Variants in SHOC2 observed in about 807,000 individuals in gnomAD.
The protein encoded by SHOC2 is leucine-rich repeat protein SHOC-2.
Under a neutral mutation model 50.2 loss-of-function variants are expected in SHOC2, and 4 were observed. The ratio of observed to expected loss-of-function variants is 0.08; its 90% CI spans 0.04 to 0.18. The LOEUF (loss-of-function observed/expected upper bound fraction) is 0.18, where lower values mean the gene tolerates loss of function less well. Among genes scored for constraint, SHOC2 ranks in the 10% least tolerant of loss-of-function variants. The pLI, the probability that SHOC2 is intolerant of heterozygous loss-of-function variation, is 1.00. For missense variants in SHOC2, 388 were observed against 669.6 expected (o/e 0.58, Z 4.64); for synonymous variants, 218 against 244.5 (o/e 0.89, Z 1.01).
intron 2 of SHOC2, among the ~76,000 whole-genome samples, chr10:110,978,512 C>G (rs1446892391): frequency 6.6e-6 from 1 of 152,150 alleles, no homozygotes; most frequent in African/African-American, 2.4e-5. Flanking sequence ...TCTTTACTCT[C>G]CTATGTTATA....
chr10:110,919,992 G>T (rs1374182911), intron 1 of SHOC2: 2 of 148,110 alleles, frequency 1.4e-5, no homozygotes, highest in South Asian at 1.8e-4. Context: ...GACAGCGCCT[G>T]GGCGACGGCG....
intron 2 of SHOC2, among the ~76,000 whole-genome samples, chr10:110,975,747 CT>C (rs1331992612): frequency 6.6e-6 from 1 of 152,044 alleles, no homozygotes; most frequent in East Asian, 1.9e-4. Context: ...TTGGTTAATG[CT>C]TCTCCACAGC....
At chr10:110,950,308 A>G (rs1276450827) in intron 1 of SHOC2, among the ~76,000 whole-genome samples, 1 of 144,706 alleles carries the variant, frequency 6.9e-6, no homozygotes, top group Non-Finnish European at 1.5e-5. Flanking sequence ...ATAAAAAGGA[A>G]TAAATTTAAC....
At chr10:110,987,520 A>G (rs1013997630) in intron 3 of SHOC2, among the ~76,000 whole-genome samples, 1 of 152,180 alleles carries the variant, frequency 6.6e-6, no homozygotes, top group African/African-American at 2.4e-5. Flanking sequence ...TATGGTTTAG[A>G]TGTCCCTCTG....
intron 1 of SHOC2, among the ~76,000 whole-genome samples, chr10:110,950,427 T>C (rs972829742): frequency 6.6e-6 from 1 of 152,156 alleles, no homozygotes. Flanking sequence ...GAATTAATAT[T>C]ATTAAAATGT....
rs950305680 is a variant in SHOC2 at position 110,993,510 on chromosome 10, G to A, written c.842-6905G>A. Among the ~76,000 whole-genome samples the A allele has an allele frequency of 3.9e-5, 6 of 152,196 alleles. No homozygotes were observed. In the South Asian group the frequency reaches 1.2e-3, roughly 32 times the overall value. On this transcript the variant is annotated intron_variant, in intron 3 of 8. Coordinates refer to ENST00000369452, the MANE Select transcript of SHOC2 (RefSeq NM_007373.4). ...TTGCAAATGTGAGATTTCTTCATCA[G>A]AACAGCCTATTCTCATAGATTACAT...
intron 1 of SHOC2, among the ~76,000 whole-genome samples, chr10:110,942,224 C>A (rs899041668): frequency 1.3e-5 from 2 of 152,260 alleles, no homozygotes; most frequent in East Asian, 3.9e-4. Flanking sequence ...CCACTGATTT[C>A]GTCAGGAAGG....
At chr10:110,988,657 T>C (rs541176829) in intron 3 of SHOC2, among the ~76,000 whole-genome samples, 1 of 152,264 alleles carries the variant, frequency 6.6e-6, no homozygotes, top group African/African-American at 2.4e-5. Flanking sequence ...TTCCCTATTG[T>C]TTCTCTGGTT....
chr10:110,985,432 G>T (rs1449145837), intron 2 of SHOC2, among the ~76,000 whole-genome samples, 196 bp from the exon 3 acceptor site: 1 of 151,780 alleles, frequency 6.6e-6, no homozygotes, highest in Non-Finnish European at 1.5e-5. Flanking sequence ...ACAGAAAAAA[G>T]AAGTTTTTAT....
chr10:110,956,667 T>A (rs1448949976), intron 1 of SHOC2, among the ~76,000 whole-genome samples: 13 of 152,252 alleles, frequency 8.5e-5, no homozygotes, highest in Admixed American at 8.5e-4. Context: ...GATAGTCTTG[T>A]ATAAAATGAA....
At chr10:111,004,574 T>C in intron 4 of SHOC2, 32 bp from the exon 5 acceptor site, 2 of 1,512,208 alleles carry the variant, frequency 1.3e-6, no homozygotes, top group Non-Finnish European at 1.8e-6. Flanking sequence ...ATCACAGTTC[T>C]AATTCTTATG....
intron 1 of SHOC2, among the ~76,000 whole-genome samples, chr10:110,943,257 C>CT (rs544078658): frequency 0.07 from 9,987 of 143,094 alleles, 389 homozygotes; most frequent in Non-Finnish European, 0.1. Context: ...TTTCTTTATT[C>CT]TTTTTTTTTT....
chr10:110,946,342 A>G (rs1354842007), intron 1 of SHOC2, among the ~76,000 whole-genome samples: 7 of 150,268 alleles, frequency 4.7e-5, no homozygotes, highest in East Asian at 1.9e-4. Context: ...TTATTCATGT[A>G]GTAACCATTT....
At chr10:110,923,502 T>C (rs1365107861) in intron 1 of SHOC2, among the ~76,000 whole-genome samples, 1 of 152,144 alleles carries the variant, frequency 6.6e-6, no homozygotes, top group Non-Finnish European at 1.5e-5. Flanking sequence ...TTACCAATGA[T>C]CCTTAAGCTT....
chr10:110,932,505 G>A (rs564081458), intron 1 of SHOC2, among the ~76,000 whole-genome samples: 2 of 152,268 alleles, frequency 1.3e-5, no homozygotes, highest in South Asian at 2.1e-4. Context: ...AGAAGCCAAT[G>A]GCATTGAGAA....
At chr10:110,944,508 A>G (rs7080961) in intron 1 of SHOC2, among the ~76,000 whole-genome samples, 47 of 151,734 alleles carry the variant, frequency 3.1e-4, no homozygotes, top group African/African-American at 6.1e-4. Flanking sequence ...GTTTCTTTGC[A>G]TATCTTATAA....
At chr10:110,935,765 A>G (rs1846994708) in intron 1 of SHOC2, among the ~76,000 whole-genome samples, 1 of 152,198 alleles carries the variant, frequency 6.6e-6, no homozygotes, top group South Asian at 2.1e-4. Context: ...ATATACTTAA[A>G]GATGTAAAGC....
chr10:110,951,653 T>C (rs922538504), intron 1 of SHOC2: 1 of 152,202 alleles, frequency 6.6e-6, no homozygotes, highest in African/African-American at 2.4e-5. Flanking sequence ...ATGTCTTCAT[T>C]GATGGAAGAA....
chr10:110,997,073 TC>T (rs1848281474), intron 3 of SHOC2, among the ~76,000 whole-genome samples: 1 of 152,244 alleles, frequency 6.6e-6, no homozygotes, highest in Admixed American at 6.5e-5. Flanking sequence ...ATTGGCATTT[TC>T]CCCTTGGTCT....
Sources: gnomAD v4.1 joint callset for allele counts (sites outside exome capture counted in the v4.1 genomes callset) on GRCh38, gnomAD v4.1.1 for gene constraint, MANE v1.5 for transcripts, NCBI Gene and HGNC (gene_info 2026-07-23, HGNC 2026-07-21) for gene names.